TAFA4: variants seen among roughly 807,000 people sequenced by gnomAD.
The protein encoded by TAFA4 is chemokine-like protein TAFA-4.
Under a neutral mutation model 21.1 loss-of-function variants are expected in TAFA4, and 20 were observed. The observed-to-expected ratio is 0.95, with a 90% CI of 0.67 to 1.38. TAFA4 has a LOEUF of 1.38. Ranked by LOEUF, TAFA4 falls within the 40% of genes most tolerant of loss-of-function variation. The pLI, the probability that TAFA4 is intolerant of heterozygous loss-of-function variation, is 0.00. For missense variants in TAFA4, 211 were observed against 180.9 expected (o/e 1.17, Z -0.95); for synonymous variants, 71 against 67.4 (o/e 1.05, Z -0.26).
At chr3:68,824,503 T>G (rs11921258) in intron 3 of TAFA4, among the ~76,000 whole-genome samples, 23,061 of 152,152 alleles carry the variant, frequency 0.15, 2,615 homozygotes, top group African/African-American at 0.32. Flanking sequence ...AAAAGGACCT[T>G]GGTGATGACA....
At chr3:68,796,084 T>C (rs1703449392) in intron 3 of TAFA4, among the ~76,000 whole-genome samples, 1 of 152,140 alleles carries the variant, frequency 6.6e-6, no homozygotes, top group Non-Finnish European at 1.5e-5. Flanking sequence ...GCTGAGCTGC[T>C]TGGAGCTAGG....
rs117747617 is a variant in TAFA4, at chr3:68,874,721, G to T, written c.130+6009C>A. Among the ~76,000 whole-genome samples, 53 of 152,072 alleles carry T rather than the reference G, an allele frequency of 3.5e-4. No homozygotes were observed. In the East Asian group the frequency reaches 9.3e-3, roughly 27 times the overall value. On this transcript the variant is annotated intron_variant, in intron 3 of 5. Coordinates refer to ENST00000295569, the MANE Select transcript of TAFA4 (RefSeq NM_182522.5). Reference sequence around the variant, plus strand: ...AAAGCCTACTCTGCCAAGTAGGATGGCTCACAAGCTCATTTGAGGAACTGA... The same window carrying T: ...AAAGCCTACTCTGCCAAGTAGGATGTCTCACAAGCTCATTTGAGGAACTGA...
At chr3:68,811,520 G>A (rs1703838247) in intron 3 of TAFA4, among the ~76,000 whole-genome samples, 1 of 152,222 alleles carries the variant, frequency 6.6e-6, no homozygotes, top group African/African-American at 2.4e-5. Context: ...AGAACTACAT[G>A]ATGAATGCAC....
chr3:68,733,237 T>A (rs761494231), intron 5 of TAFA4, 84 bp from the exon 6 acceptor site: 15 of 1,515,324 alleles, frequency 9.9e-6, no homozygotes, highest in Non-Finnish European at 1.3e-5. Context: ...AATAAGGTCC[T>A]GACTGTGAAT....
At chr3:68,873,337 T>TACACACACAC (rs34998311) in intron 3 of TAFA4, among the ~76,000 whole-genome samples, 3,355 of 133,458 alleles carry the variant, frequency 0.025, 116 homozygotes, top group East Asian at 0.12. Flanking sequence ...CACGCAGACA[T>TACACACACAC]ACACACACAC....
chr3:68,925,346 C>T (rs1415731248), intron 1 of TAFA4, among the ~76,000 whole-genome samples: 1 of 152,220 alleles, frequency 6.6e-6, no homozygotes, highest in African/African-American at 2.4e-5. Context: ...ACATTACAAT[C>T]TGGCTCCTAC....
At chr3:68,847,839 T>A (rs1046908154) in intron 3 of TAFA4, among the ~76,000 whole-genome samples, 2 of 152,158 alleles carry the variant, frequency 1.3e-5, no homozygotes, top group Admixed American at 1.3e-4. Context: ...TTAGAAACAT[T>A]TACCACCCTC....
At chr3:68,868,525 A>C (rs768345583) in intron 3 of TAFA4, among the ~76,000 whole-genome samples, 2 of 152,014 alleles carry the variant, frequency 1.3e-5, no homozygotes, top group Non-Finnish European at 2.9e-5. Context: ...CAACAAATTC[A>C]AAAAACTAAA....
chr3:68,773,107 A>G (rs1702989164), intron 3 of TAFA4, among the ~76,000 whole-genome samples: 2 of 152,184 alleles, frequency 1.3e-5, no homozygotes, highest in Non-Finnish European at 2.9e-5. Context: ...AGCAGCCGGA[A>G]TTATGCAACC....
At chr3:68,886,130 G>A (rs1029296935) in intron 1 of TAFA4, among the ~76,000 whole-genome samples, 1 of 152,174 alleles carries the variant, frequency 6.6e-6, no homozygotes, top group Non-Finnish European at 1.5e-5. Context: ...TTGAAATGAA[G>A]TCTAATTACT....
chr3:68,796,024 T>A (rs1395624803), intron 3 of TAFA4, among the ~76,000 whole-genome samples: 1 of 152,124 alleles, frequency 6.6e-6, no homozygotes, highest in Non-Finnish European at 1.5e-5. Flanking sequence ...AAGCAGAGAC[T>A]ATTGTTTTCT....
chr3:68,925,069 C>A (rs1276154653), intron 1 of TAFA4, among the ~76,000 whole-genome samples: 1 of 152,198 alleles, frequency 6.6e-6, no homozygotes, highest in Non-Finnish European at 1.5e-5. Flanking sequence ...GAGTTCCGTG[C>A]TTCTAAGCAG....
At chr3:68,773,607 A>G (rs931726202) in intron 3 of TAFA4, among the ~76,000 whole-genome samples, 1 of 152,174 alleles carries the variant, frequency 6.6e-6, no homozygotes, top group African/African-American at 2.4e-5. Context: ...GAAGCTATGT[A>G]AGGATATGAC....
At chr3:68,828,420 A>G (rs1169325776) in intron 3 of TAFA4, among the ~76,000 whole-genome samples, 2 of 152,168 alleles carry the variant, frequency 1.3e-5, no homozygotes, top group Non-Finnish European at 2.9e-5. Context: ...GAAGTAAGTC[A>G]GTGGTAGCTT....
intron 3 of TAFA4, among the ~76,000 whole-genome samples, chr3:68,839,511 G>A (rs1052702376): frequency 2.6e-5 from 4 of 152,198 alleles, no homozygotes; most frequent in Admixed American, 1.3e-4. Flanking sequence ...CTGACTACAT[G>A]ATGTAAATGA....
At chr3:68,754,429 T>C (rs1702620733) in intron 3 of TAFA4, among the ~76,000 whole-genome samples, 1 of 152,234 alleles carries the variant, frequency 6.6e-6, no homozygotes, top group African/African-American at 2.4e-5. Flanking sequence ...TTTTGCAGAA[T>C]GTCCCTCAGC....
intron 3 of TAFA4, among the ~76,000 whole-genome samples, chr3:68,829,357 C>T (rs899084526): frequency 3.3e-5 from 5 of 152,120 alleles, no homozygotes; most frequent in African/African-American, 9.7e-5. Context: ...TTTTGAGATA[C>T]GTTCCATCAA....
At position 68,732,390 on chromosome 3, in the gene TAFA4, A is replaced by T. The variant is rs1382243181; in HGVS notation, c.*752T>A. 6.6e-6 allele frequency: 1 copy of T among 152,632 alleles called. No individual in the cohort carries two copies. Among genetic ancestry groups the T allele is most frequent in the Non-Finnish European group, 1.5e-5 (1 of 68,026 alleles). The allele number at this position is 152,632 out of a possible 1,614,324, so 9.5% of individuals were successfully genotyped here. On this transcript the variant is annotated 3_prime_UTR_variant, in exon 6 of 6. Transcript: ENST00000295569. Reference sequence around the variant, plus strand: ...ACATGACTACACAAAAGCCGTAAAAATTCCAACAAGTTTTATAAATATGTT... The same window carrying T: ...ACATGACTACACAAAAGCCGTAAAATTTCCAACAAGTTTTATAAATATGTT...
intron 1 of TAFA4, among the ~76,000 whole-genome samples, chr3:68,905,939 C>A (rs1383308898): frequency 6.6e-6 from 1 of 152,174 alleles, no homozygotes; most frequent in African/African-American, 2.4e-5. Flanking sequence ...GATCACTGAA[C>A]GTGAAGTTTC....
Sources: gnomAD v4.1 joint callset for allele counts (sites outside exome capture counted in the v4.1 genomes callset) on GRCh38, gnomAD v4.1.1 for gene constraint, MANE v1.5 for transcripts, NCBI Gene and HGNC (gene_info 2026-07-23, HGNC 2026-07-21) for gene names.